Variants in EPHB1 observed in about 807,000 individuals in gnomAD.
The protein encoded by EPHB1 is EPH receptor B1.
EPHB1 carries 30 observed loss-of-function variants against 94.4 expected under a neutral mutation model. The observed-to-expected ratio is 0.32, with a 90% CI of 0.24 to 0.43. The LOEUF is 0.43. Among genes scored for constraint, EPHB1 ranks in the 20% least tolerant of loss-of-function variants. EPHB1 has a pLI of 1.00. For missense variants in EPHB1, 1,055 were observed against 1,308.3 expected, an observed-to-expected ratio of 0.81 and a Z score of 2.99; for synonymous variants, 522 against 489.1, an observed-to-expected ratio of 1.07 and a Z score of -0.89.
chr3:134,797,062 C>G (rs929370273), intron 1 of EPHB1, among the ~76,000 whole-genome samples: 2 of 152,238 alleles, frequency 1.3e-5, no homozygotes, highest in African/African-American at 4.8e-5. Flanking sequence ...GCGAAGACCA[C>G]CGCATCCCAC....
intron 1 of EPHB1, among the ~76,000 whole-genome samples, chr3:134,899,556 T>G (rs1005110538): frequency 7.2e-5 from 11 of 152,228 alleles, no homozygotes; most frequent in African/African-American, 2.4e-4. Flanking sequence ...GCAGAATAAA[T>G]ATCTTTCTAA....
At chr3:134,988,656 A>G (rs16842439) in intron 3 of EPHB1, among the ~76,000 whole-genome samples, 5,398 of 152,306 alleles carry the variant, frequency 0.035, 319 homozygotes, top group African/African-American at 0.12. Context: ...ACAAGTATTC[A>G]GGTAACCCTA....
chr3:135,252,232 T>C (rs1454725861), intron 15 of EPHB1, among the ~76,000 whole-genome samples: 1 of 151,522 alleles, frequency 6.6e-6, no homozygotes, highest in Non-Finnish European at 1.5e-5. Flanking sequence ...TTTATTATTA[T>C]ACTTTAAGTT....
rs143367042 is a variant in EPHB1, at chr3:135,248,330, C to T, written c.2511C>T (p.Ile837=). Residue 837 remains isoleucine (I), a synonymous_variant, in exon 14 of 16, where the codon ATC becomes ATT. Coordinates refer to ENST00000398015, the MANE Select transcript of EPHB1 (RefSeq NM_004441.5). ...DMSNQDVINA[I]EQDYRLPPPM... Reference sequence around the variant, plus strand: ...TGTCACTGCAGGTCATCAATGCCATCGAGCAGGACTACCGGCTGCCCCCAC... The same window carrying T: ...TGTCACTGCAGGTCATCAATGCCATTGAGCAGGACTACCGGCTGCCCCCAC... The T allele has an allele frequency of 9.5e-5, 151 of 1,586,242 alleles. No homozygotes were observed. The highest frequency in any genetic ancestry group is 5.1e-4 in the Middle Eastern group (3 of 5,926).
chr3:135,076,770 A>G (rs1227232674), intron 3 of EPHB1, among the ~76,000 whole-genome samples: 4 of 152,250 alleles, frequency 2.6e-5, no homozygotes, highest in South Asian at 2.1e-4. Flanking sequence ...AGTAAAAAGG[A>G]ATGAAATACT....
chr3:135,181,462 T>C (rs1472005252), intron 10 of EPHB1, among the ~76,000 whole-genome samples: 1 of 152,254 alleles, frequency 6.6e-6, no homozygotes, highest in Non-Finnish European at 1.5e-5. Context: ...ACCAGATAAA[T>C]TGGATAACTC....
intron 4 of EPHB1, 130 bp from the exon 5 acceptor site, chr3:135,132,584 T>G: frequency 9.8e-6 from 7 of 715,502 alleles, no homozygotes; most frequent in Non-Finnish European, 1.6e-5. Context: ...AGCATAGCCA[T>G]TTGGGGTTGA....
At chr3:135,187,023 T>G (rs1942346545) in intron 10 of EPHB1, among the ~76,000 whole-genome samples, 1 of 152,180 alleles carries the variant, frequency 6.6e-6, no homozygotes, top group African/African-American at 2.4e-5. Flanking sequence ...AAGTGCATTT[T>G]CTAACAAGTT....
At chr3:135,151,570 T>G (rs991419402) in intron 5 of EPHB1, among the ~76,000 whole-genome samples, 9 of 152,092 alleles carry the variant, frequency 5.9e-5, no homozygotes. Flanking sequence ...CTCTGCTGAA[T>G]CCCCCCACTA....
chr3:135,115,686 C>T (rs1939667471), intron 4 of EPHB1, among the ~76,000 whole-genome samples: 1 of 152,160 alleles, frequency 6.6e-6, no homozygotes, highest in Non-Finnish European at 1.5e-5. Context: ...CTCTCAGCTC[C>T]ACTCCTTCCT....
chr3:135,000,790 C>G (rs897923317), intron 3 of EPHB1, among the ~76,000 whole-genome samples: 2 of 152,094 alleles, frequency 1.3e-5, no homozygotes, highest in South Asian at 2.1e-4. Flanking sequence ...CTATTTCACC[C>G]CAAGAAGATA....
At chr3:134,844,334 G>T (rs184514919) in intron 1 of EPHB1, among the ~76,000 whole-genome samples, 11 of 152,282 alleles carry the variant, frequency 7.2e-5, no homozygotes, top group Admixed American at 3.9e-4. Flanking sequence ...TTTGAAGTCT[G>T]CTCTGGCTTT....
chr3:135,048,063 G>A (rs540197066), intron 3 of EPHB1, among the ~76,000 whole-genome samples: 14 of 152,168 alleles, frequency 9.2e-5, no homozygotes, highest in African/African-American at 3.4e-4. Context: ...AAGAGCTAGA[G>A]ACAGTGGAGT....
intron 1 of EPHB1, among the ~76,000 whole-genome samples, chr3:134,851,063 A>G (rs2108299556): frequency 6.6e-6 from 1 of 152,046 alleles, no homozygotes; most frequent in East Asian, 1.9e-4. Context: ...TGAAGATCTG[A>G]GTGTGTTTGA....
chr3:134,920,938 G>A (rs774046547), intron 1 of EPHB1, among the ~76,000 whole-genome samples: 1 of 151,732 alleles, frequency 6.6e-6, no homozygotes, highest in Non-Finnish European at 1.5e-5. Flanking sequence ...TTTTTGAGAC[G>A]GGGTCTTGTT....
chr3:134,968,662 G>A (rs527865992), intron 3 of EPHB1, among the ~76,000 whole-genome samples: 1 of 152,090 alleles, frequency 6.6e-6, no homozygotes, highest in Non-Finnish European at 1.5e-5. Context: ...GCATAGATTT[G>A]TGTAACCACT....
intron 15 of EPHB1, among the ~76,000 whole-genome samples, chr3:135,257,758 G>T (rs1385504648): frequency 2.0e-5 from 3 of 151,348 alleles, no homozygotes; most frequent in Admixed American, 6.6e-5. Flanking sequence ...GAGCTTCCCG[G>T]CTGCTTTGTT....
chr3:134,955,071 C>CTTTTTTTTTTT lies in EPHB1; in HGVS notation c.805+3041_805+3051dup. ...CTAAGGCCTGTTCCTGACATCCTTT[C>CTTTTTTTTTTT]TTTTTTTTTTTTTTTTTTTTTTTTT... On this transcript the variant is annotated intron_variant, in intron 3 of 15. Coordinates refer to ENST00000398015, the MANE Select transcript of EPHB1 (RefSeq NM_004441.5). Among the ~76,000 whole-genome samples, 28 of 8,402 alleles carry CTTTTTTTTTTT rather than the reference C, an allele frequency of 3.3e-3. 1 individual carries two copies. Among genetic ancestry groups the CTTTTTTTTTTT allele is most frequent in the Admixed American group, 5.3e-3 (2 of 376 alleles). The allele number at this position is 8,402 out of a possible 152,430, so 5.5% of individuals were successfully genotyped here.
rs1384145752 is a variant in EPHB1 at position 135,192,765 on chromosome 3, G to A, written c.2072G>A (p.Arg691Gln). The change falls in exon 11 of 16, where the codon CGG becomes CAG. Residue 691 changes from arginine to glutamine, a missense_variant. Transcript: ENST00000398015. ...CTGGAGGGTGTGGTCACCAAGAGTC[G>A]GCCTGTCATGATCATCACAGAGTTC... ...IRLEGVVTKS[R>Q]PVMIITEFME... 14 of 1,613,936 alleles carry A rather than the reference G, an allele frequency of 8.7e-6. No homozygotes were observed. The highest frequency in any genetic ancestry group is 2.7e-5 in the African/African-American group (2 of 74,904).
Sources: gnomAD v4.1 joint callset for allele counts (sites outside exome capture counted in the v4.1 genomes callset) on GRCh38, gnomAD v4.1.1 for gene constraint, MANE v1.5 for transcripts, NCBI Gene and HGNC (gene_info 2026-07-23, HGNC 2026-07-21) for gene names.